The following PTPRN2 variants were observed in gnomAD, a reference collection of about 807,000 sequenced individuals.
PTPRN2 encodes receptor-type tyrosine-protein phosphatase N2.
Under a neutral mutation model 118.8 loss-of-function variants are expected in PTPRN2, and 74 were observed. That is an observed-to-expected ratio of 0.62 (90% confidence interval 0.52 to 0.76). The LOEUF (loss-of-function observed/expected upper bound fraction) is 0.76. Ranked by LOEUF, PTPRN2 falls within the 30% of genes least tolerant of loss-of-function variation. The pLI is 0.00. For synonymous variants in PTPRN2, 641 were observed against 608.0 expected, an observed-to-expected ratio of 1.05 and a Z score of -0.80; for missense variants, 1,481 against 1,394.4, an observed-to-expected ratio of 1.06 and a Z score of -0.99.
chr7:158,483,134 T>C (rs1451133374), intron 2 of PTPRN2, among the ~76,000 whole-genome samples: 1 of 152,256 alleles, frequency 6.6e-6, no homozygotes, highest in Non-Finnish European at 1.5e-5. Context: ...GGCTTCCCTG[T>C]TTCCTGGGTC....
At position 158,586,793 on chromosome 7, in the gene PTPRN2, C is replaced by G. The variant is rs1048424911; in HGVS notation, c.112+765G>C. ...GGGACGCAGGTAGAAGCGGGTGCAG[C>G]GGGACATCCGAGGCCCGGCCCCTCG... On this transcript the variant is annotated intron_variant, in intron 1 of 22. Coordinates refer to ENST00000389418, the MANE Select transcript of PTPRN2 (RefSeq NM_002847.5). Among the ~76,000 whole-genome samples, 5 of 152,176 alleles carry G rather than the reference C, an allele frequency of 3.3e-5. No homozygotes were observed. The South Asian group carries it at 1.0e-3, about 31-fold the overall frequency.
intron 6 of PTPRN2, among the ~76,000 whole-genome samples, chr7:158,165,803 G>C (rs932513910): frequency 6.6e-6 from 1 of 152,186 alleles, no homozygotes; most frequent in African/African-American, 2.4e-5. Flanking sequence ...ACAAAGAGTC[G>C]CAGGAACCCG....
At chr7:158,233,216 A>T (rs1829283450) in intron 3 of PTPRN2, among the ~76,000 whole-genome samples, 1 of 152,232 alleles carries the variant, frequency 6.6e-6, no homozygotes, top group African/African-American at 2.4e-5. Context: ...TGACAAATTC[A>T]GTAAAGTTGC....
At position 158,509,488 on chromosome 7, in the gene PTPRN2, TGGTGTC is replaced by T. The variant is rs1823022820; in HGVS notation, c.113-19709_113-19704del. Among the ~76,000 whole-genome samples the T allele has an allele frequency of 6.6e-6, 1 of 152,212 alleles. No homozygotes were observed. The highest frequency in any genetic ancestry group is 1.5e-5 in the Non-Finnish European group (1 of 68,052). On this transcript the variant is annotated intron_variant, in intron 1 of 22. Transcript: ENST00000389418. This position sits in a 1 kb window ranked among gnomAD's most constrained non-coding sequence, Gnocchi z 4.4. ...CTGCCATTCAGGCCACACTGGGACT[TGGTGTC>T]CAGTCCTCATCTCTTCTTTCTAGAA...
chr7:157,655,129 C>T (rs1049367038), intron 14 of PTPRN2, among the ~76,000 whole-genome samples: 3 of 152,200 alleles, frequency 2.0e-5, no homozygotes, highest in South Asian at 2.1e-4. Context: ...GCGGGTGGTC[C>T]GGCTTCGTGG....
chr7:157,791,954 G>A (rs1299138313), intron 12 of PTPRN2, among the ~76,000 whole-genome samples: 1 of 152,190 alleles, frequency 6.6e-6, no homozygotes, highest in South Asian at 2.1e-4. Flanking sequence ...TTTTCCTGCC[G>A]ACCAGGCCTC....
intron 3 of PTPRN2, among the ~76,000 whole-genome samples, chr7:158,303,182 A>AAAAAAAAAAAAAAAC (rs1274915635): frequency 1.3e-5 from 2 of 151,686 alleles, no homozygotes; most frequent in African/African-American, 4.9e-5. Context: ...AAAAAAAAAA[A>AAAAAAAAAAAAAAAC]AAATTCTTTG....
chr7:158,316,918 T>A lies in PTPRN2; in HGVS notation c.178A>T (p.Arg60Trp), dbSNP rs752221613. 1.2e-6 allele frequency: 2 copies of A among 1,611,156 alleles called. No homozygotes were observed. Among genetic ancestry groups the A allele is most frequent in the Non-Finnish European group, 1.7e-6 (2 of 1,178,756 alleles). The change falls in exon 3 of 23, where the codon AGG (arginine) becomes TGG (tryptophan). Residue 60 changes from arginine (R) to tryptophan (W), a missense_variant. By Grantham distance (101) the Arg-to-Trp change is moderately radical. Around this residue, in one of 3 missense-constraint regions of PTPRN2, gnomAD observed 1,115 missense variants for 994.2 expected, o/e 1.12. Coordinates refer to ENST00000389418, the MANE Select transcript of PTPRN2 (RefSeq NM_002847.5). ...EACVNDGVFG[R>W]CQKVPAMDFY... ...TCCATTGCCGGAACCTTCTGGCACC[T>A]TCCAAACACTCCATCTGTGAGAAGG...
Position 158,380,658 on chromosome 7 carries a change from G to A in PTPRN2, c.164-63726C>T, listed in dbSNP as rs946290033. Among the ~76,000 whole-genome samples, 5 of 152,206 alleles carry A rather than the reference G, an allele frequency of 3.3e-5. 1 individual carries two copies. Among genetic ancestry groups the A allele is most frequent in the Admixed American group, 6.5e-5 (1 of 15,288 alleles). On this transcript the variant is annotated intron_variant, in intron 2 of 22. Coordinates refer to ENST00000389418, the MANE Select transcript of PTPRN2 (RefSeq NM_002847.5). Reference sequence around the variant, plus strand: ...AGATCTACCATTTTGGGGTCTGGAGGACCGTGGCCCTCTTCTCACAGCTCC... The same window carrying A: ...AGATCTACCATTTTGGGGTCTGGAGAACCGTGGCCCTCTTCTCACAGCTCC...
At chr7:158,482,141 G>A (rs1820691455) in intron 2 of PTPRN2, among the ~76,000 whole-genome samples, 1 of 152,230 alleles carries the variant, frequency 6.6e-6, no homozygotes, top group Admixed American at 6.5e-5. Flanking sequence ...AAAGAAAGTG[G>A]TTTCTGGAGA....
At chr7:158,370,894 C>T (rs573212360) in intron 2 of PTPRN2, among the ~76,000 whole-genome samples, 1 of 152,224 alleles carries the variant, frequency 6.6e-6, no homozygotes, top group South Asian at 2.1e-4. Context: ...TACTAAATAC[C>T]ACACAAAATT....
intron 11 of PTPRN2, among the ~76,000 whole-genome samples, chr7:157,939,016 C>T (rs1432028002): frequency 1.3e-5 from 2 of 152,232 alleles, no homozygotes; most frequent in Non-Finnish European, 2.9e-5. Context: ...CACATCAACT[C>T]ACACCCAAAT....
intron 3 of PTPRN2, among the ~76,000 whole-genome samples, chr7:158,299,285 G>T (rs1026143953): frequency 2.0e-5 from 3 of 148,250 alleles, no homozygotes; most frequent in African/African-American, 5.0e-5. Flanking sequence ...ATGCACGCAG[G>T]GCTCTCAGGA....
intron 11 of PTPRN2, among the ~76,000 whole-genome samples, chr7:157,950,660 T>C (rs1006561153): frequency 1.3e-5 from 2 of 152,224 alleles, no homozygotes; most frequent in African/African-American, 4.8e-5. Flanking sequence ...AAATCTGCCA[T>C]TGCTGTGCAG....
At chr7:157,614,139 AGACAGGGGAGGAAGGGGGAG>A (rs568013419) in intron 15 of PTPRN2, 4 of 464,276 alleles carry the variant, frequency 8.6e-6, no homozygotes, top group Admixed American at 2.4e-5. Flanking sequence ...AGGAGGGGGA[AGACAGGGGAGGAAGGGGGAG>A]GACAGGGGAG....
intron 6 of PTPRN2, among the ~76,000 whole-genome samples, chr7:158,141,198 C>G (rs4909277): frequency 2.5e-3 from 387 of 152,182 alleles, no homozygotes; most frequent in African/African-American, 8.7e-3. Context: ...ACAATAGAAG[C>G]GGAGGAATTA....
chr7:157,816,445 C>A (rs1806406458), intron 12 of PTPRN2, among the ~76,000 whole-genome samples: 1 of 152,274 alleles, frequency 6.6e-6, no homozygotes, highest in African/African-American at 2.4e-5. Flanking sequence ...CCGAGCCAGC[C>A]TGGATCTCAG....
At chr7:158,365,785 A>C (rs1382605312) in intron 2 of PTPRN2, among the ~76,000 whole-genome samples, 1 of 145,414 alleles carries the variant, frequency 6.9e-6, no homozygotes, top group Non-Finnish European at 1.5e-5. Context: ...ACACACACAC[A>C]CCCACACACA....
chr7:158,222,494 G>A (rs573601706), intron 3 of PTPRN2, among the ~76,000 whole-genome samples: 1 of 152,178 alleles, frequency 6.6e-6, no homozygotes, highest in Non-Finnish European at 1.5e-5. Context: ...AATACTGCGT[G>A]TTCTCACTTA....
Sources: gnomAD v4.1 joint callset for allele counts (sites outside exome capture counted in the v4.1 genomes callset) on GRCh38, gnomAD v4.1.1 for gene constraint, gnomAD v4.1.1 regional missense constraint, Gnocchi (gnomAD v3.1) non-coding constraint, MANE v1.5 for transcripts, NCBI Gene and HGNC (gene_info 2026-07-23, HGNC 2026-07-21) for gene names.